SLMAP: variants seen among roughly 807,000 people sequenced by gnomAD.
The protein encoded by SLMAP is sarcolemma associated protein, also known as sarcolemmal membrane-associated protein.
A neutral mutation model predicts 128.8 loss-of-function variants in SLMAP; 44 were observed. That is an observed-to-expected ratio of 0.34 (90% CI 0.27 to 0.44). SLMAP has a LOEUF of 0.44. Among genes scored for constraint, SLMAP ranks in the 20% least tolerant of loss-of-function variants. The pLI, the probability that SLMAP is intolerant of heterozygous loss-of-function variation, is 1.00. For synonymous variants in SLMAP, 327 were observed against 348.8 expected (o/e 0.94, Z 0.70); for missense variants, 787 against 985.3 (o/e 0.80, Z 2.69).
At chr3:57,877,592 A>G (rs746226224) in intron 14 of SLMAP, among the ~76,000 whole-genome samples, 4 of 152,120 alleles carry the variant, frequency 2.6e-5, no homozygotes, top group Non-Finnish European at 5.9e-5. Context: ...GGTTTATTCA[A>G]TCTAAGATGT....
chr3:57,844,711 CTTTTT>C (rs35011644), intron 4 of SLMAP, among the ~76,000 whole-genome samples: 1 of 92,280 alleles, frequency 1.1e-5, no homozygotes. Flanking sequence ...TCTATTTAGA[CTTTTT>C]TTTTTTTTTT....
chr3:57,912,499 A>G lies in SLMAP; in HGVS notation c.1818A>G (p.Gln606=). Residue 606 remains glutamine (Q), a synonymous_variant, in exon 20 of 25, where the codon CAA becomes CAG. Transcript: ENST00000671191. ...SARDEILLLH[Q]AAAKVASERD... is the part of the protein sequence containing the mutation. Reference sequence around the variant, plus strand: ...GAGATGAAATTTTGCTCCTTCATCAAGCAGCAGCAAAGGTTGCCTCTGAGC... The same window carrying G: ...GAGATGAAATTTTGCTCCTTCATCAGGCAGCAGCAAAGGTTGCCTCTGAGC... 1 of 1,614,188 alleles carries G rather than the reference A, an allele frequency of 6.2e-7. No homozygotes were observed. The highest frequency in any genetic ancestry group is 8.5e-7 in the Non-Finnish European group (1 of 1,180,004).
intron 19 of SLMAP, among the ~76,000 whole-genome samples, chr3:57,911,923 TAAAAAAAAAAAAA>T (rs57106769): frequency 5.7e-5 from 3 of 52,370 alleles, no homozygotes; most frequent in South Asian, 1.7e-3. Context: ...GGATTCACCC[TAAAAAAAAAAAAA>T]AAAAAAAAAA....
Position 57,928,142 on chromosome 3 carries a change from T to G in SLMAP, c.*853T>G, listed in dbSNP as rs1435220167. Reference sequence around the variant, plus strand: ...GCAAAAACATAGTAATTACACAATTTCAGTGCAGTCAACCAAAATGTTGAG... The same window carrying G: ...GCAAAAACATAGTAATTACACAATTGCAGTGCAGTCAACCAAAATGTTGAG... On this transcript the variant is annotated 3_prime_UTR_variant, in exon 25 of 25. Coordinates refer to ENST00000671191, the MANE Select transcript of SLMAP (RefSeq NM_001377540.1). The G allele has an allele frequency of 1.3e-5, 2 of 152,586 alleles. No homozygotes were observed. Among genetic ancestry groups the G allele is most frequent in the Non-Finnish European group, 1.5e-5 (1 of 68,032 alleles). 9.5% of individuals were successfully genotyped at this position (152,586 alleles called of 1,614,324 possible). A position where few individuals can be genotyped will look rare whatever the true frequency, so the allele number is the denominator to read the frequency against.
intron 2 of SLMAP, among the ~76,000 whole-genome samples, chr3:57,762,006 C>T (rs2078751217): frequency 6.8e-6 from 1 of 147,042 alleles, no homozygotes; most frequent in African/African-American, 2.5e-5. Flanking sequence ...GAGATTGCGC[C>T]ACTGCAGTCC....
intron 2 of SLMAP, among the ~76,000 whole-genome samples, chr3:57,809,782 T>G (rs2090600715): frequency 6.6e-6 from 1 of 152,196 alleles, no homozygotes; most frequent in African/African-American, 2.4e-5. Context: ...GACGTTGAGA[T>G]GACCTGCCTG....
chr3:57,906,673 AAATAT>A (rs1211952264), intron 17 of SLMAP, among the ~76,000 whole-genome samples: 813 of 30,908 alleles, frequency 0.026, 14 homozygotes, highest in East Asian at 0.13. Context: ...TATGAAAAAA[AAATAT>A]ATATATATAT....
intron 9 of SLMAP, among the ~76,000 whole-genome samples, chr3:57,861,196 A>G (rs1158653639): frequency 6.6e-6 from 1 of 150,630 alleles, no homozygotes; most frequent in Non-Finnish European, 1.5e-5. Flanking sequence ...TAAGGCCAAG[A>G]GTCTACACTA....
intron 3 of SLMAP, among the ~76,000 whole-genome samples, chr3:57,833,594 A>G (rs1157856118): frequency 6.6e-6 from 1 of 151,664 alleles, no homozygotes; most frequent in Non-Finnish European, 1.5e-5. Context: ...TAATTTTTGT[A>G]TTTCTAGTAG....
intron 2 of SLMAP, among the ~76,000 whole-genome samples, chr3:57,784,214 A>G (rs2083618349): frequency 1.3e-5 from 2 of 152,140 alleles, no homozygotes; most frequent in South Asian, 2.1e-4. Context: ...CCACCAGCAT[A>G]TAACTGCACC....
Position 57,928,052 on chromosome 3 carries a change from ACAT to A in SLMAP, c.*766_*768del, listed in dbSNP as rs1465404583. 6.6e-6 allele frequency: 1 copy of A among 152,482 alleles called. No homozygotes were observed. The highest frequency in any genetic ancestry group is 2.4e-5 in the African/African-American group (1 of 41,420). 9.4% of individuals were successfully genotyped at this position (152,482 alleles called of 1,614,324 possible). On this transcript the variant is annotated 3_prime_UTR_variant, in exon 25 of 25. Coordinates refer to ENST00000671191, the MANE Select transcript of SLMAP (RefSeq NM_001377540.1). ...TTAATGTGACTTGAAGATGTGGAGG[ACAT>A]CAACTTTGAAAAACTTTCCATGAGA...
intron 14 of SLMAP, among the ~76,000 whole-genome samples, chr3:57,880,851 C>T (rs994885289): frequency 6.6e-6 from 1 of 152,096 alleles, no homozygotes; most frequent in African/African-American, 2.4e-5. Context: ...CAACACTGCA[C>T]TCCAGTCTGG....
At chr3:57,912,914 TG>T (rs1315081914) in intron 20 of SLMAP, among the ~76,000 whole-genome samples, 4 of 152,210 alleles carry the variant, frequency 2.6e-5, no homozygotes, top group Admixed American at 2.6e-4. Flanking sequence ...ATTTTAAAAT[TG>T]TTAAAAATTG....
At chr3:57,921,184 T>C (rs1261501010) in intron 22 of SLMAP, among the ~76,000 whole-genome samples, 2 of 152,092 alleles carry the variant, frequency 1.3e-5, no homozygotes, top group Admixed American at 1.3e-4. Flanking sequence ...CCATTTAAAG[T>C]AGGGGTAAGC....
chr3:57,813,789 A>G (rs1357207083), intron 2 of SLMAP, among the ~76,000 whole-genome samples: 1 of 152,164 alleles, frequency 6.6e-6, no homozygotes, highest in Admixed American at 6.6e-5. Flanking sequence ...GGATACTGAG[A>G]CATGATGTAT....
rs566352896 is a variant in SLMAP, at chr3:57,845,509, CAT to C, written c.420-1685_420-1684del. Among the ~76,000 whole-genome samples the C allele has an allele frequency of 2.3e-4, 35 of 152,294 alleles. No homozygotes were observed. In the East Asian group the frequency reaches 6.7e-3, roughly 29 times the overall value. On this transcript the variant is annotated intron_variant, in intron 4 of 24. Transcript: ENST00000671191. Reference sequence around the variant, plus strand: ...ATCTAATCAGTTTTTCAGCAGCTTACATATGATTTATCAGTTCAAGCTAAGAA... The same window carrying C: ...ATCTAATCAGTTTTTCAGCAGCTTACATGATTTATCAGTTCAAGCTAAGAA...
At chr3:57,837,831 GCAAAT>G (rs1451292991) in intron 3 of SLMAP, among the ~76,000 whole-genome samples, 8 of 152,330 alleles carry the variant, frequency 5.3e-5, no homozygotes, top group African/African-American at 1.9e-4. Flanking sequence ...CTTGCCTGTT[GCAAAT>G]CAAAAGGATA....
At position 57,912,073 on chromosome 3, in the gene SLMAP, G is replaced by T. The variant is rs541358751; in HGVS notation, c.1700-308G>T. On this transcript the variant is annotated intron_variant, in intron 19 of 24. Coordinates refer to ENST00000671191, the MANE Select transcript of SLMAP (RefSeq NM_001377540.1). ...AGAGTTTCATCAACAGAAGGATAGG[G>T]AACACTGCATTTATTGTGATCACTC... Among the ~76,000 whole-genome samples the T allele has an allele frequency of 7.9e-5, 12 of 152,098 alleles. No homozygotes were observed. The South Asian group carries it at 2.5e-3, about 32-fold the overall frequency.
At chr3:57,867,904 G>A (rs1257599682) in intron 13 of SLMAP, among the ~76,000 whole-genome samples, 1 of 152,074 alleles carries the variant, frequency 6.6e-6, no homozygotes, top group Admixed American at 6.6e-5. Flanking sequence ...TAAATTTTTT[G>A]TGTGTCTTAT....
Sources: allele counts gnomAD v4.1 joint callset (sites outside exome capture counted in the v4.1 genomes callset), GRCh38; gene constraint gnomAD v4.1.1; transcripts MANE v1.5; gene names NCBI Gene and HGNC (gene_info 2026-07-23, HGNC 2026-07-21).